The following ZNF592 variants were observed in gnomAD, a reference collection of about 807,000 sequenced individuals.
The protein encoded by ZNF592 is zinc finger protein 592.
Under a neutral mutation model 80.3 loss-of-function variants are expected in ZNF592, and 11 were observed. The ratio of observed to expected loss-of-function variants is 0.14; its 90% CI spans 0.09 to 0.23. The LOEUF is 0.23. Among genes scored for constraint, ZNF592 ranks in the 10% least tolerant of loss-of-function variants. The probability of loss-of-function intolerance (pLI) is 1.00; values close to 1 mark genes in which losing one functional copy is unlikely to be tolerated. For missense variants in ZNF592, 1,420 were observed against 1,633.9 expected (o/e 0.87, Z 2.26); for synonymous variants, 646 against 640.3 (o/e 1.01, Z -0.13).
rs1567076356 is a variant in ZNF592 at position 84,796,272 on chromosome 15, TATATATATATATATATATATATAAAA to T, written c.2400-1595_2400-1570del. Among the ~76,000 whole-genome samples, 63 of 45,498 alleles carry T rather than the reference TATATATATATATATATATATATAAAA, an allele frequency of 1.4e-3. 1 individual carries two copies. The highest frequency in any genetic ancestry group is 7.1e-3 in the African/African-American group (60 of 8,404). The allele number at this position is 45,498 out of a possible 152,430, so 29.8% of individuals were successfully genotyped here. A position where few individuals can be genotyped will look rare whatever the true frequency, so the allele number is the denominator to read the frequency against. Reference sequence around the variant, plus strand: ...TATATATATATATATATATTTTATATATATATATATATATATATATATAAAAAAACGAAGGGTAACATTCAGGAGTC... The same window carrying T: ...TATATATATATATATATATTTTATATAAACGAAGGGTAACATTCAGGAGTC... On this transcript the variant is annotated intron_variant, in intron 5 of 10. Transcript: ENST00000560079.
chr15:84,788,277 A>AAGGGAT (rs1962645187), intron 4 of ZNF592, among the ~76,000 whole-genome samples: 1 of 152,138 alleles, frequency 6.6e-6, no homozygotes, highest in Non-Finnish European at 1.5e-5. Flanking sequence ...AAAGCTCCCC[A>AAGGGAT]CCTTTTACCT....
intron 1 of ZNF592, among the ~76,000 whole-genome samples, chr15:84,749,992 T>C (rs750717120): frequency 2.3e-4 from 35 of 152,356 alleles, no homozygotes; most frequent in Non-Finnish European, 4.4e-4. Flanking sequence ...TTCTTAGCCA[T>C]TGGGAAAGTC....
chr15:84,788,963 C>T (rs1219933222), intron 4 of ZNF592, among the ~76,000 whole-genome samples: 3 of 151,656 alleles, frequency 2.0e-5, no homozygotes, highest in Non-Finnish European at 4.4e-5. Context: ...GTAAGCCCAG[C>T]ACTTTGGGTG....
rs775713174 is a variant in ZNF592, at chr15:84,784,196, C to T, written c.1521C>T (p.Asn507=). 3 of 1,614,100 alleles carry T rather than the reference C, an allele frequency of 1.9e-6. No individual in the cohort carries two copies. The highest frequency in any genetic ancestry group is 4.5e-5 in the East Asian group (2 of 44,890). ...TGCCCAAAGCCGTGCACTTGGCCAA[C>T]CTGAACCTCGTCCCCCACAGTGTTG... ...NLLPKAVHLA[N]LNLVPHSVAA... is the part of the protein sequence containing the mutation. Residue 507 remains asparagine, a synonymous_variant, in exon 4 of 11, where the codon AAC becomes AAT. Transcript: ENST00000560079. The surrounding 1 kb of genome is among the most constrained non-coding windows in gnomAD (Gnocchi z 5.8).
chr15:84,784,086 A>C lies in ZNF592; in HGVS notation c.1411A>C (p.Lys471Gln). 6.2e-7 allele frequency: 1 copy of C among 1,614,076 alleles called. No homozygotes were observed. Among genetic ancestry groups the C allele is most frequent in the Non-Finnish European group, 8.5e-7 (1 of 1,179,948 alleles). ...PSCSSGPRVP[K>Q]GAAPGSQTGK... ...CTGCAGTTCTGGGCCCCGGGTCCCA[A>C]AGGGGGCTGCCCCAGGCTCACAGAC... The change falls in exon 4 of 11, where the codon AAG becomes CAG. Residue 471 changes from lysine (K) to glutamine (Q), a missense_variant. By Grantham distance (53) the Lys-to-Gln change is moderately conservative (BLOSUM62 1). Transcript: ENST00000560079. This position sits in a 1 kb window ranked among gnomAD's most constrained non-coding sequence, Gnocchi z 5.8.
In ZNF592 at chr15:84,805,930, G is replaced by T. The variant is rs1963225033; in HGVS notation, c.*3537G>T. On this transcript the variant is annotated 3_prime_UTR_variant, in exon 11 of 11. Transcript: ENST00000560079. The stretch of plus-strand genomic sequence containing the variant: ...TATGCATTTACAAGTTTATAAATAT[G>T]TATATTTATATATCTATTTTTAATA... 6.6e-6 allele frequency: 1 copy of T among 152,428 alleles called. No individual in the cohort carries two copies. Among genetic ancestry groups the T allele is most frequent in the Non-Finnish European group, 1.5e-5 (1 of 68,014 alleles). 9.4% of individuals were successfully genotyped at this position (152,428 alleles called of 1,614,324 possible).
intron 1 of ZNF592, among the ~76,000 whole-genome samples, chr15:84,762,028 A>G (rs902657479): frequency 1.3e-5 from 2 of 152,206 alleles, no homozygotes; most frequent in African/African-American, 4.8e-5. Context: ...TTTTTGGTAT[A>G]ATCAACCAAA....
chr15:84,767,722 C>G (rs1385782391), intron 2 of ZNF592, among the ~76,000 whole-genome samples: 1 of 151,948 alleles, frequency 6.6e-6, no homozygotes, highest in African/African-American at 2.4e-5. Context: ...CCAGCTCCCT[C>G]CAGTTCTGTC....
At chr15:84,801,728 C>T (rs1596137380) in intron 10 of ZNF592, 135 bp from the exon 11 acceptor site, 12 of 1,261,368 alleles carry the variant, frequency 9.5e-6, no homozygotes, top group East Asian at 2.3e-5. Context: ...ACAAACCAAA[C>T]GTAAACCAGC....
rs1245588755 is a variant in ZNF592, at chr15:84,799,610, G to C, written c.3138-232G>C. Among the ~76,000 whole-genome samples the C allele has an allele frequency of 1.3e-5, 2 of 152,186 alleles. No individual in the cohort carries two copies. The highest frequency in any genetic ancestry group is 4.8e-5 in the African/African-American group (2 of 41,444). On this transcript the variant is annotated intron_variant, in intron 9 of 10. Transcript: ENST00000560079. This position sits in a 1 kb window ranked among gnomAD's most constrained non-coding sequence, Gnocchi z 4.2. ...CTTGGGTCTCTGGGCGGTGACATCA[G>C]GTAGTGTTCAGTGAGATTGTGGCTG...
In ZNF592 at chr15:84,802,511, G is replaced by A. The variant is rs1963129679; in HGVS notation, c.*118G>A. On this transcript the variant is annotated 3_prime_UTR_variant, in exon 11 of 11. Coordinates refer to ENST00000560079, the MANE Select transcript of ZNF592 (RefSeq NM_014630.3). ...GTGTGAGTGTGACCGGTTGTACCCT[G>A]GAGTAGTGTCTGCCCTGAGCTGCCA... 17 of 1,278,282 alleles carry A rather than the reference G, an allele frequency of 1.3e-5. No homozygotes were observed. Among genetic ancestry groups the A allele is most frequent in the Non-Finnish European group, 1.9e-5 (17 of 907,986 alleles). The allele number at this position is 1,278,282 out of a possible 1,614,324, so 79.2% of individuals were successfully genotyped here.
intron 2 of ZNF592, among the ~76,000 whole-genome samples, chr15:84,771,159 C>G (rs2141974257): frequency 6.6e-6 from 1 of 152,240 alleles, no homozygotes; most frequent in South Asian, 2.1e-4. Context: ...GACCCCCACA[C>G]AGGAGAGGCT....
rs780610739 is a variant in ZNF592 at position 84,783,941 on chromosome 15, A to T, written c.1266A>T (p.Pro422=). 2.1e-5 allele frequency: 34 copies of T among 1,613,830 alleles called. No individual in the cohort carries two copies. Among genetic ancestry groups the T allele is most frequent in the Non-Finnish European group, 2.8e-5 (33 of 1,179,832 alleles). Reference sequence around the variant, plus strand: ...TTGCAGAGGCCCCCAGCGAGATGCCAGGGGATGAGGTGCCTGTGGAAGAGC... The same window carrying T: ...TTGCAGAGGCCCCCAGCGAGATGCCTGGGGATGAGGTGCCTGTGGAAGAGC... ...SAIAEAPSEM[P]GDEVPVEEHF... is the part of the protein sequence containing the mutation. The change falls in exon 4 of 11, where the codon CCA becomes CCT. Residue 422 remains proline, a synonymous_variant. Coordinates refer to ENST00000560079, the MANE Select transcript of ZNF592 (RefSeq NM_014630.3). This position sits in a 1 kb window ranked among gnomAD's most constrained non-coding sequence, Gnocchi z 5.0.
intron 5 of ZNF592, among the ~76,000 whole-genome samples, chr15:84,793,883 T>C (rs1236744701): frequency 6.6e-6 from 1 of 152,226 alleles, no homozygotes; most frequent in African/African-American, 2.4e-5. Flanking sequence ...ATGTTTTGTT[T>C]ATCCATTTGT....
intron 4 of ZNF592, among the ~76,000 whole-genome samples, chr15:84,789,293 T>C (rs1596128246): frequency 1.3e-5 from 2 of 152,222 alleles, no homozygotes; most frequent in Admixed American, 1.3e-4. Flanking sequence ...TAATATTCCA[T>C]TGTGTGTACA....
intron 4 of ZNF592, among the ~76,000 whole-genome samples, chr15:84,786,963 G>A (rs1301514333): frequency 1.4e-5 from 2 of 146,730 alleles, no homozygotes; most frequent in African/African-American, 5.1e-5. Context: ...TGATTCTCCT[G>A]CCTCAGCTTC....
At position 84,783,917 on chromosome 15, in the gene ZNF592, T is replaced by C. The variant is rs1962500888; in HGVS notation, c.1242T>C (p.Ile414=). ...SPVGSPLGSA[I]AEAPSEMPGD... ...TTGGGTCACCTCTAGGGAGCGCCAT[T>C]GCAGAGGCCCCCAGCGAGATGCCAG... The change falls in exon 4 of 11, where the codon ATT becomes ATC. Residue 414 remains isoleucine (I), a synonymous_variant. Transcript: ENST00000560079. This position sits in a 1 kb window ranked among gnomAD's most constrained non-coding sequence, Gnocchi z 5.0. The C allele has an allele frequency of 6.2e-7, 1 of 1,614,084 alleles. No individual in the cohort carries two copies. Among genetic ancestry groups the C allele is most frequent in the South Asian group, 1.1e-5 (1 of 91,090 alleles).
rs71453265 is a variant in ZNF592 at position 84,765,535 on chromosome 15, G to GTTTTTTTTTTT, written c.-150+732_-150+742dup. Among the ~76,000 whole-genome samples the GTTTTTTTTTTT allele has an allele frequency of 1.1e-3, 101 of 92,264 alleles. 2 individuals are homozygous for GTTTTTTTTTTT. The highest frequency in any genetic ancestry group is 1.4e-3 in the East Asian group (4 of 2,952). The allele number at this position is 92,264 out of a possible 152,430, so 60.5% of individuals were successfully genotyped here. ...ATCCTCACTAGCACTTGTTATTATT[G>GTTTTTTTTTTT]TTTTTTTTTTTTTTTTTTTTTTGAG... On this transcript the variant is annotated intron_variant, in intron 2 of 10. Coordinates refer to ENST00000560079, the MANE Select transcript of ZNF592 (RefSeq NM_014630.3).
chr15:84,770,120 G>A (rs1034256181), intron 2 of ZNF592, among the ~76,000 whole-genome samples: 2 of 152,184 alleles, frequency 1.3e-5, no homozygotes, highest in African/African-American at 4.8e-5. Flanking sequence ...TTGACAGGAT[G>A]TGCTTGTGGA....
Sources: allele counts gnomAD v4.1 joint callset (sites outside exome capture counted in the v4.1 genomes callset), GRCh38; gene constraint gnomAD v4.1.1; non-coding constraint Gnocchi (gnomAD v3.1); transcripts MANE v1.5; gene names NCBI Gene and HGNC (gene_info 2026-07-23, HGNC 2026-07-21).